ITGA5: variants seen among roughly 807,000 people sequenced by gnomAD.
ITGA5 encodes integrin alpha-5.
A neutral mutation model predicts 146.3 loss-of-function variants in ITGA5; 55 were observed. The observed-to-expected ratio is 0.38, with a 90% CI of 0.30 to 0.47. ITGA5 has a LOEUF of 0.47. Ranked by LOEUF, ITGA5 falls within the 20% of genes least tolerant of loss-of-function variation. The probability of loss-of-function intolerance (pLI) is 0.99; values close to 1 mark genes in which losing one functional copy is unlikely to be tolerated. For missense variants in ITGA5, 1,131 were observed against 1,329.0 expected (o/e 0.85, Z 2.32); for synonymous variants, 500 against 531.8 (o/e 0.94, Z 0.82).
Position 54,404,832 on chromosome 12 carries a change from C to A in ITGA5, c.1288G>T (p.Gly430Trp). Reference sequence around the variant, plus strand: ...TTAGAGCCCAGCCCTCCTGGGCCCCCAGGAAATACAAACACTACTCCCTGC... The same window carrying A: ...TTAGAGCCCAGCCCTCCTGGGCCCCAAGGAAATACAAACACTACTCCCTGC... The part of the protein sequence containing the change: ...TQQGVVFVFP[G>W]GPGGLGSKPS... Residue 430 changes from glycine (G) to tryptophan (W), a missense_variant, in exon 13 of 30, where the codon GGG (glycine) becomes TGG (tryptophan). Around this residue, in one of 3 missense-constraint regions of ITGA5, gnomAD observed 889 missense variants for 1,021.5 expected, o/e 0.87. Coordinates refer to ENST00000293379, the MANE Select transcript of ITGA5 (RefSeq NM_002205.5). The A allele has an allele frequency of 6.2e-7, 1 of 1,611,716 alleles. No individual in the cohort carries two copies. Among genetic ancestry groups the A allele is most frequent in the Non-Finnish European group, 8.5e-7 (1 of 1,179,178 alleles).
In ITGA5 at chr12:54,396,033, G is replaced by T; in HGVS notation, c.*260C>A. 2 of 415,690 alleles carry T rather than the reference G, an allele frequency of 4.8e-6. No homozygotes were observed. Among genetic ancestry groups the T allele is most frequent in the Admixed American group, 8.0e-5 (2 of 24,988 alleles). 25.8% of individuals were successfully genotyped at this position (415,690 alleles called of 1,614,324 possible). On this transcript the variant is annotated 3_prime_UTR_variant, in exon 30 of 30. Transcript: ENST00000293379. ...AAATGCAAAGGCTTCAGGGAGGCTGGGGCCTCTGTCCCTGGATCTGAGTTC... is the reference window on the plus strand; with the variant it reads ...AAATGCAAAGGCTTCAGGGAGGCTGTGGCCTCTGTCCCTGGATCTGAGTTC...
rs141408484 is a variant in ITGA5, at chr12:54,402,061, G to A, written c.2166C>T (p.Ala722=). The A allele has an allele frequency of 1.1e-3, 1,818 of 1,614,152 alleles. 27 individuals are homozygous for A. The African/African-American group carries it at 0.022, about 19-fold the overall frequency. The change falls in exon 21 of 30, where the codon GCC becomes GCT. Residue 722 remains alanine (A), a synonymous_variant. Transcript: ENST00000293379. The part of the protein sequence containing the change: ...NFSSLSCDYF[A]VNQSRLLVCD... ...ACACCAGCAGGCGGCTCTGGTTCACGGCAAAGTAGTCACAGCTCAGGCTGG... is the reference window on the plus strand; with the variant it reads ...ACACCAGCAGGCGGCTCTGGTTCACAGCAAAGTAGTCACAGCTCAGGCTGG...
At position 54,409,026 on chromosome 12, in the gene ITGA5, G is replaced by C; in HGVS notation, c.584-72C>G. 6.7e-7 allele frequency: 1 copy of C among 1,501,052 alleles called. No homozygotes were observed. The highest frequency in any genetic ancestry group is 1.1e-5 in the South Asian group (1 of 88,068). 93.0% of individuals were successfully genotyped at this position (1,501,052 alleles called of 1,614,324 possible). ...ATCCAGGAAAGAAGAGAGGGCATAG[G>C]GAAGGAGGTGGGAGAGAGAACCAGA... On this transcript the variant is annotated intron_variant, in intron 4 of 29. Coordinates refer to ENST00000293379, the MANE Select transcript of ITGA5 (RefSeq NM_002205.5). This position sits in a 1 kb window ranked among gnomAD's most constrained non-coding sequence, Gnocchi z 4.7.
chr12:54,406,954 C>A (rs1038213309), intron 9 of ITGA5, among the ~76,000 whole-genome samples: 2 of 152,214 alleles, frequency 1.3e-5, no homozygotes, highest in Non-Finnish European at 2.9e-5. Flanking sequence ...TTAAGAGAGA[C>A]CTGATTTTAA....
chr12:54,409,076 G>T lies in ITGA5; in HGVS notation c.584-122C>A. On this transcript the variant is annotated intron_variant, in intron 4 of 29. Transcript: ENST00000293379. This position sits in a 1 kb window ranked among gnomAD's most constrained non-coding sequence, Gnocchi z 4.7. ...AGAAAGGGCCTTCCTGGACCAGACAGTAAGCATAAAGGCTAACGAACTGGG... is the reference window on the plus strand; with the variant it reads ...AGAAAGGGCCTTCCTGGACCAGACATTAAGCATAAAGGCTAACGAACTGGG... 3 of 1,397,928 alleles carry T rather than the reference G, an allele frequency of 2.1e-6. No individual in the cohort carries two copies. In the South Asian group the frequency reaches 3.6e-5, roughly 17 times the overall value. The allele number at this position is 1,397,928 out of a possible 1,614,324, so 86.6% of individuals were successfully genotyped here. A position where few individuals can be genotyped will look rare whatever the true frequency, so the allele number is the denominator to read the frequency against.
rs1489464318 is a variant in ITGA5 at position 54,408,383 on chromosome 12, A to C, written c.692-148T>G. On this transcript the variant is annotated intron_variant, in intron 6 of 29. Transcript: ENST00000293379. ...GTGGCATGTAAGCTTCAGGAAAGGA[A>C]GAGGAGAATTGGGAGTAGGGTGGGA... is the stretch of plus-strand genomic sequence containing the variant. 3 of 893,008 alleles carry C rather than the reference A, an allele frequency of 3.4e-6. No individual in the cohort carries two copies. In the East Asian group the frequency reaches 7.7e-5, roughly 23 times the overall value. 55.3% of individuals were successfully genotyped at this position (893,008 alleles called of 1,614,324 possible). A position where few individuals can be genotyped will look rare whatever the true frequency, so the allele number is the denominator to read the frequency against.
Position 54,398,616 on chromosome 12 carries a change from A to C in ITGA5, c.2924T>G (p.Leu975Arg). 6.2e-7 allele frequency: 1 copy of C among 1,611,372 alleles called. No individual in the cohort carries two copies. Among genetic ancestry groups the C allele is most frequent in the South Asian group, 1.1e-5 (1 of 90,430 alleles). Residue 975 changes from leucine to arginine, a missense_variant, in exon 28 of 30, where the codon CTG becomes CGG. Physicochemically the swap from Leu to Arg is moderately radical, Grantham distance 102. Transcript: ENST00000293379. ...KMPYRILPRQLPQKERQVATA... is the reference protein window; with the variant it reads ...KMPYRILPRQRPQKERQVATA... ...ACTCACCTGACGCTCTTTTTGGGGC[A>C]GCTGCCGAGGCAGGATTCGGTAGGG... is the stretch of plus-strand genomic sequence containing the variant.
chr12:54,403,921 A>T lies in ITGA5; in HGVS notation c.1611T>A (p.Ala537=). The T allele has an allele frequency of 6.2e-7, 1 of 1,614,182 alleles. No homozygotes were observed. The highest frequency in any genetic ancestry group is 1.7e-5 in the Admixed American group (1 of 60,024). The stretch of plus-strand genomic sequence containing the variant: ...GGCAGTCTCCCTCACCAATGGAGTC[A>T]GCAACGTGTTTTCCAGAAGCATTGA... ...FCLNASGKHV[A]DSIGFTVELQ... The change falls in exon 16 of 30, where the codon GCT becomes GCA. Residue 537 remains alanine, a synonymous_variant. Transcript: ENST00000293379. The surrounding 1 kb of genome is among the most constrained non-coding windows in gnomAD (Gnocchi z 4.9).
At chr12:54,407,167 C>G (rs1450438487) in intron 9 of ITGA5, among the ~76,000 whole-genome samples, 2 of 152,230 alleles carry the variant, frequency 1.3e-5, no homozygotes, top group Admixed American at 6.5e-5. Flanking sequence ...TGTGTCTTAT[C>G]TAACATACTT....
At chr12:54,411,800 C>A (rs1288703231) in intron 2 of ITGA5, 34 bp downstream of exon 2, 1 of 1,441,782 alleles carries the variant, frequency 6.9e-7, no homozygotes, top group Non-Finnish European at 9.2e-7. Context: ...TGCAGTCCCA[C>A]CCCCCAGTCC....
Position 54,404,462 on chromosome 12 carries a change from C to T in ITGA5, c.1431G>A (p.Gly477=). ...CCACAGCCTTGTCCACACCAAAGGA[C>T]CCCACAATCAGATCTGTAAGAAGTC... ...DGNGYPDLIV[G]SFGVDKAVVY... is the part of the protein sequence containing the mutation. The change falls in exon 14 of 30, where the codon GGG becomes GGA. Residue 477 remains glycine (G), a synonymous_variant. Transcript: ENST00000293379. 4 of 1,614,150 alleles carry T rather than the reference C, an allele frequency of 2.5e-6. No individual in the cohort carries two copies. Among genetic ancestry groups the T allele is most frequent in the Non-Finnish European group, 2.5e-6 (3 of 1,179,986 alleles).
At position 54,403,301 on chromosome 12, in the gene ITGA5, T is replaced by C; in HGVS notation, c.1800A>G (p.Lys600=). 1 of 1,534,810 alleles carries C rather than the reference T, an allele frequency of 6.5e-7. No homozygotes were observed. The change falls in exon 18 of 30, where the codon AAA becomes AAG. Residue 600 remains lysine, a synonymous_variant. Transcript: ENST00000293379. The surrounding 1 kb of genome is among the most constrained non-coding windows in gnomAD (Gnocchi z 4.9). The part of the protein sequence containing the change: ...YLRNESEFRD[K]LSPIHIALNF... ...TGAGAGCGATGTGAATCGGCGAGAG[T>C]TTGTCTCGAAATTCTGACTCGTTCT...
rs769390980 is a variant in ITGA5, at chr12:54,403,976, G to C, written c.1566-10C>G. 1.9e-6 allele frequency: 3 copies of C among 1,614,040 alleles called. No individual in the cohort carries two copies. The highest frequency in any genetic ancestry group is 2.5e-6 in the Non-Finnish European group (3 of 1,179,944). On this transcript the variant is annotated splice_polypyrimidine_tract_variant and intron_variant, in intron 15 of 29. Transcript: ENST00000293379. The surrounding 1 kb of genome is among the most constrained non-coding windows in gnomAD (Gnocchi z 4.9). Reference sequence around the variant, plus strand: ...GAAGCTAAGGTTGATGCTGGAGAGAGACCAAGAAGAAAGCTGGTGAATCCA... The same window carrying C: ...GAAGCTAAGGTTGATGCTGGAGAGACACCAAGAAGAAAGCTGGTGAATCCA...
At position 54,419,153 on chromosome 12, in the gene ITGA5, G is replaced by A; in HGVS notation, c.46C>T (p.Arg16Cys). The A allele has an allele frequency of 6.3e-7, 1 of 1,586,070 alleles. No individual in the cohort carries two copies. The highest frequency in any genetic ancestry group is 8.6e-7 in the Non-Finnish European group (1 of 1,167,974). Residue 16 changes from arginine to cysteine, a missense_variant, in exon 1 of 30, where the codon CGC becomes TGC. Arg to Cys is a radical substitution (Grantham distance 180, BLOSUM62 -3). Transcript: ENST00000293379. Reference sequence around the variant, plus strand: ...GGGGGTCGGCGCCGGGGGCCCCAGCGCAGCTGCACGGCGTGGAGAGGGGAC... The same window carrying A: ...GGGGGTCGGCGCCGGGGGCCCCAGCACAGCTGCACGGCGTGGAGAGGGGAC... ...PESPLHAVQL[R>C]WGPRRRPPLL...
chr12:54,403,339 GA>G lies in ITGA5; in HGVS notation c.1777-16del. On this transcript the variant is annotated splice_polypyrimidine_tract_variant and intron_variant, in intron 17 of 29. Coordinates refer to ENST00000293379, the MANE Select transcript of ITGA5 (RefSeq NM_002205.5). This position sits in a 1 kb window ranked among gnomAD's most constrained non-coding sequence, Gnocchi z 4.9. ...TCTGACTCGTTCTGGGGCCAGAGGA[GA>G]GAGTTCACGGAGTCAGGGGACTCTG... 6.6e-7 allele frequency: 1 copy of G among 1,512,124 alleles called. No homozygotes were observed. Among genetic ancestry groups the G allele is most frequent in the South Asian group, 1.4e-5 (1 of 73,876 alleles). 93.7% of individuals were successfully genotyped at this position (1,512,124 alleles called of 1,614,324 possible).
chr12:54,411,733 G>A, intron 2 of ITGA5, 101 bp downstream of exon 2: 1 of 1,047,426 alleles, frequency 9.5e-7, no homozygotes, highest in Non-Finnish European at 1.3e-6. Flanking sequence ...CACGTGGCCG[G>A]GGTTCCAGCA....
intron 1 of ITGA5, among the ~76,000 whole-genome samples, chr12:54,413,863 C>T (rs920637961): frequency 1.3e-5 from 2 of 152,214 alleles, no homozygotes; most frequent in African/African-American, 4.8e-5. Context: ...GAGGTTCTCT[C>T]AAAGTTTCCT....
At chr12:54,412,227 A>G in intron 1 of ITGA5, 1 of 325,320 alleles carries the variant, frequency 3.1e-6, no homozygotes, top group Non-Finnish European at 5.6e-6. Flanking sequence ...CTGTTCATAA[A>G]GAGAGGAGGA....
rs761858636 is a variant in ITGA5, at chr12:54,404,710, T to A, written c.1410A>T (p.Gly470=). 1 of 1,612,886 alleles carries A rather than the reference T, an allele frequency of 6.2e-7. No homozygotes were observed. Among genetic ancestry groups the A allele is most frequent in the Admixed American group, 1.7e-5 (1 of 60,014 alleles). ...LRGGRDLDGN[G]YPDLIVGSFG... is the part of the protein sequence containing the mutation. ...GCCTCAGGCACAACTCACCAGGATA[T>A]CCATTGCCATCCAGGTCTCGGCCTC... is the stretch of plus-strand genomic sequence containing the variant. The change falls in exon 13 of 30, where the codon GGA becomes GGT. Residue 470 remains glycine (G), a synonymous_variant. Transcript: ENST00000293379.
Sources: gnomAD v4.1 joint callset for allele counts (sites outside exome capture counted in the v4.1 genomes callset) on GRCh38, gnomAD v4.1.1 for gene constraint, gnomAD v4.1.1 regional missense constraint, Gnocchi (gnomAD v3.1) non-coding constraint, MANE v1.5 for transcripts, NCBI Gene and HGNC (gene_info 2026-07-23, HGNC 2026-07-21) for gene names.